HGFAC: variants seen among roughly 807,000 people sequenced by gnomAD.
HGFAC encodes the protein HGF activator, also known as hepatocyte growth factor activator serine protease.
In HGFAC, 76 loss-of-function variants were observed where a neutral mutation model predicts 70.6. That is an observed-to-expected ratio of 1.08 (90% CI 0.89 to 1.30). HGFAC has a LOEUF of 1.30. Among genes scored for constraint, HGFAC ranks in the 50% most tolerant of loss-of-function variants. HGFAC has a pLI of 0.00. For missense variants in HGFAC, 1,044 were observed against 933.7 expected, an observed-to-expected ratio of 1.12 and a Z score of -1.54; for synonymous variants, 464 against 405.3, an observed-to-expected ratio of 1.14 and a Z score of -1.74.
rs757467260 is a variant in HGFAC at position 3,444,648 on chromosome 4, C to T, written c.756C>T (p.Asn252=). ...HTACLSSPCL[N]GGTCHLIVAT... Reference sequence around the variant, plus strand: ...CTTGTCTGAGCAGCCCTTGCCTGAACGGGGGCACCTGCCACCTGATCGTGG... The same window carrying T: ...CTTGTCTGAGCAGCCCTTGCCTGAATGGGGGCACCTGCCACCTGATCGTGG... The change falls in exon 7 of 14, where the codon AAC becomes AAT. Residue 252 remains asparagine (N), a synonymous_variant. Transcript: ENST00000382774. 6.9e-6 allele frequency: 11 copies of T among 1,597,462 alleles called. No individual in the cohort carries two copies. Among genetic ancestry groups the T allele is most frequent in the Middle Eastern group, 1.7e-4 (1 of 5,754 alleles).
intron 2 of HGFAC, 28 bp downstream of exon 2, chr4:3,442,940 G>A (rs371111935): frequency 3.1e-5 from 49 of 1,557,092 alleles, no homozygotes; most frequent in South Asian, 1.4e-4. Flanking sequence ...GGGAGGAGGT[G>A]TCGTGCTTCA....
chr4:3,445,368 G>C lies in HGFAC; in HGVS notation c.1102+18G>C. On this transcript the variant is annotated intron_variant, in intron 9 of 13. Coordinates refer to ENST00000382774, the MANE Select transcript of HGFAC (RefSeq NM_001528.4). The stretch of plus-strand genomic sequence containing the variant: ...GGCCTGCGGTGCGCGGCTGGCGGGG[G>C]GTGCTGCCTTGGGCCCCACCGAGGT... 6.5e-7 allele frequency: 1 copy of C among 1,544,020 alleles called. No individual in the cohort carries two copies.
At position 3,444,021 on chromosome 4, in the gene HGFAC, C is replaced by A. The variant is rs1055986409; in HGVS notation, c.476-18C>A. 1.9e-6 allele frequency: 3 copies of A among 1,567,350 alleles called. No individual in the cohort carries two copies. Among genetic ancestry groups the A allele is most frequent in the African/African-American group, 2.7e-5 (2 of 72,920 alleles). On this transcript the variant is annotated intron_variant, in intron 4 of 13. Coordinates refer to ENST00000382774, the MANE Select transcript of HGFAC (RefSeq NM_001528.4). Reference sequence around the variant, plus strand: ...GCCTCCCAGTCCGCCCCTCACACCCCCTCCCGCATGTCCCCAGCTGCCCTG... The same window carrying A: ...GCCTCCCAGTCCGCCCCTCACACCCACTCCCGCATGTCCCCAGCTGCCCTG...
chr4:3,443,921 C>CCTTTG (rs1725398093), intron 4 of HGFAC, 118 bp from the exon 5 acceptor site: 1 of 1,138,964 alleles, frequency 8.8e-7, no homozygotes, highest in Admixed American at 2.5e-5. Context: ...AGAGAGGGCC[C>CCTTTG]CTTTGCTCTC....
At position 3,443,239 on chromosome 4, in the gene HGFAC, C is replaced by T. The variant is rs548271106; in HGVS notation, c.395+93C>T. On this transcript the variant is annotated intron_variant, in intron 3 of 13. Transcript: ENST00000382774. ...CCGGGCACACAGTAGGCGCTCACCACGCAGCAGGCGGACCCAGTGAACCCA... is the reference window on the plus strand; with the variant it reads ...CCGGGCACACAGTAGGCGCTCACCATGCAGCAGGCGGACCCAGTGAACCCA... 78 of 1,311,794 alleles carry T rather than the reference C, an allele frequency of 5.9e-5. No individual in the cohort carries two copies. In the Middle Eastern group the frequency reaches 6.1e-4, roughly 10 times the overall value. 81.3% of individuals were successfully genotyped at this position (1,311,794 alleles called of 1,614,324 possible).
Position 3,447,829 on chromosome 4 carries a change from C to T in HGFAC, c.1496-66C>T, listed in dbSNP as rs1251385407. 7.6e-6 allele frequency: 12 copies of T among 1,578,858 alleles called. No individual in the cohort carries two copies. The Admixed American group carries it at 8.6e-5, about 11-fold the overall frequency. On this transcript the variant is annotated intron_variant, in intron 11 of 13. Transcript: ENST00000382774. ...CCCACTGGCTACCCTCCCTCCACCA[C>T]GGGCCCCGACAGCCTCCCGTTCAGC...
chr4:3,444,357 C>A lies in HGFAC; in HGVS notation c.645C>A (p.Asp215Glu). The A allele has an allele frequency of 6.2e-7, 1 of 1,600,126 alleles. No individual in the cohort carries two copies. Among genetic ancestry groups the A allele is most frequent in the Non-Finnish European group, 8.5e-7 (1 of 1,174,626 alleles). The part of the protein sequence containing the change: ...ETRYEYLEGG[D>E]RWARVRQGHV... ...GCTACGAGTACCTGGAGGGGGGCGACCGCTGGGCCCGCGTGCGCCAGGGCC... is the reference window on the plus strand; with the variant it reads ...GCTACGAGTACCTGGAGGGGGGCGAACGCTGGGCCCGCGTGCGCCAGGGCC... Residue 215 changes from aspartate to glutamate, a missense_variant, in exon 6 of 14, where the codon GAC becomes GAA. Physicochemically the swap from Asp to Glu is conservative, Grantham distance 45. Transcript: ENST00000382774.
Position 3,449,324 on chromosome 4 carries a change from C to A in HGFAC, c.1873C>A (p.Leu625Ile). Residue 625 changes from leucine (L) to isoleucine (I), a missense_variant, in exon 14 of 14, where the codon CTC becomes ATC. Coordinates refer to ENST00000382774, the MANE Select transcript of HGFAC (RefSeq NM_001528.4). ...CAGCTGGGGTGACGGCTGCGGGCGG[C>A]TCCACAAGCCGGGGGTCTACACCCG... ...IISWGDGCGR[L>I]HKPGVYTRVA... 6.2e-7 allele frequency: 1 copy of A among 1,612,106 alleles called. No individual in the cohort carries two copies. The highest frequency in any genetic ancestry group is 8.5e-7 in the Non-Finnish European group (1 of 1,179,484).
In HGFAC at chr4:3,445,287, C is replaced by A; in HGVS notation, c.1039C>A (p.Pro347Thr). Residue 347 changes from proline to threonine, a missense_variant, in exon 9 of 14, where the codon CCC becomes ACC. Coordinates refer to ENST00000382774, the MANE Select transcript of HGFAC (RefSeq NM_001528.4). ...YCRNPDNDER[P>T]WCYVVKDSAL... ...CAGGAATCCGGACAATGACGAGAGG[C>A]CCTGGTGCTACGTGGTGAAGGACAG... 1 of 1,586,562 alleles carries A rather than the reference C, an allele frequency of 6.3e-7. No homozygotes were observed. Among genetic ancestry groups the A allele is most frequent in the South Asian group, 1.2e-5 (1 of 86,722 alleles).
chr4:3,446,209 G>C lies in HGFAC; in HGVS notation c.1270G>C (p.Ala424Pro), dbSNP rs755798844. 1.9e-5 allele frequency: 31 copies of C among 1,610,878 alleles called. No homozygotes were observed. Among genetic ancestry groups the C allele is most frequent in the Non-Finnish European group, 2.6e-5 (31 of 1,179,398 alleles). Residue 424 changes from alanine (A) to proline (P), a missense_variant, in exon 10 of 14, where the codon GCC (alanine) becomes CCC (proline). Physicochemically the swap from Ala to Pro is conservative, Grantham distance 27. Coordinates refer to ENST00000382774, the MANE Select transcript of HGFAC (RefSeq NM_001528.4). The stretch of plus-strand genomic sequence containing the variant: ...GCCCGGCTCGCACCCCTGGCTGGCC[G>C]CCATCTACATCGGGGACAGCTTCTG... Reference protein sequence around the residue: ...SLPGSHPWLAAIYIGDSFCAG... With the variant: ...SLPGSHPWLAPIYIGDSFCAG...
At position 3,448,214 on chromosome 4, in the gene HGFAC, G is replaced by A. The variant is rs186999542; in HGVS notation, c.1723G>A (p.Ala575Thr). Residue 575 changes from alanine (A) to threonine (T), a missense_variant, in exon 13 of 14, where the codon GCC (alanine) becomes ACC (threonine). Physicochemically the swap from Ala to Thr is moderately conservative, Grantham distance 58 (BLOSUM62 0). Coordinates refer to ENST00000382774, the MANE Select transcript of HGFAC (RefSeq NM_001528.4). Reference sequence around the variant, plus strand: ...GTGCAGCAGCCCTGAGGTCTACGGCGCCGACATCAGCCCCAACATGCTCTG... The same window carrying A: ...GTGCAGCAGCCCTGAGGTCTACGGCACCGACATCAGCCCCAACATGCTCTG... Reference protein sequence around the residue: ...HKCSSPEVYGADISPNMLCAG... With the variant: ...HKCSSPEVYGTDISPNMLCAG... The A allele has an allele frequency of 1.6e-4, 251 of 1,607,662 alleles. 3 individuals carry two copies. In the East Asian group the frequency reaches 4.6e-3, roughly 30 times the overall value.
rs751648475 is a variant in HGFAC at position 3,443,139 on chromosome 4, A to G, written c.388A>G (p.Arg130Gly). 1.9e-6 allele frequency: 3 copies of G among 1,552,114 alleles called. No individual in the cohort carries two copies. The highest frequency in any genetic ancestry group is 2.4e-5 in the South Asian group (2 of 82,926). The stretch of plus-strand genomic sequence containing the variant: ...CTGCACTTCGGAGGGCAGTGCACAC[A>G]GGAAGTGGTGGGTCCGGGCAGCCGG... ...HACTSEGSAH[R>G]KWCATTHNYD... The change falls in exon 3 of 14, where the codon AGG becomes GGG. Residue 130 changes from arginine to glycine, a missense_variant. Physicochemically the swap from Arg to Gly is moderately radical, Grantham distance 125. Coordinates refer to ENST00000382774, the MANE Select transcript of HGFAC (RefSeq NM_001528.4).
Position 3,447,968 on chromosome 4 carries a change from C to T in HGFAC, c.1569C>T (p.Pro523=), listed in dbSNP as rs777526426. 1.7e-5 allele frequency: 27 copies of T among 1,593,674 alleles called. No individual in the cohort carries two copies. The highest frequency in any genetic ancestry group is 4.0e-5 in the African/African-American group (3 of 74,454). The change falls in exon 12 of 14, where the codon CCC becomes CCT. Residue 523 remains proline (P), a synonymous_variant. Transcript: ENST00000382774. ...AGTTCGTGCAGCCCATCTGCCTGCC[C>T]GAGCCCGGCAGCACCTTCCCCGCAG... The part of the protein sequence containing the change: ...RSQFVQPICL[P]EPGSTFPAGH...
At position 3,445,369 on chromosome 4, in the gene HGFAC, G is replaced by T. The variant is rs1461470353; in HGVS notation, c.1102+19G>T. 5 of 1,538,960 alleles carry T rather than the reference G, an allele frequency of 3.2e-6. No homozygotes were observed. The highest frequency in any genetic ancestry group is 2.4e-5 in the East Asian group (1 of 41,224). On this transcript the variant is annotated intron_variant, in intron 9 of 13. Coordinates refer to ENST00000382774, the MANE Select transcript of HGFAC (RefSeq NM_001528.4). The stretch of plus-strand genomic sequence containing the variant: ...GCCTGCGGTGCGCGGCTGGCGGGGG[G>T]TGCTGCCTTGGGCCCCACCGAGGTC...
Position 3,444,269 on chromosome 4 carries a change from C to G in HGFAC, c.599-42C>G, listed in dbSNP as rs764815435. On this transcript the variant is annotated intron_variant, in intron 5 of 13. Transcript: ENST00000382774. ...GCAGGGCAGGGGCCCTGCACGGGGA[C>G]AGCAGGTGGCAGGGTGTGAGGGCTT... 2.6e-6 allele frequency: 4 copies of G among 1,568,306 alleles called. 1 individual carries two copies. In the Admixed American group the frequency reaches 7.6e-5, roughly 30 times the overall value.
intron 13 of HGFAC, 78 bp from the exon 14 acceptor site, chr4:3,449,159 C>T (rs1300385410): frequency 2.9e-6 from 4 of 1,367,898 alleles, no homozygotes; most frequent in African/African-American, 2.9e-5. Flanking sequence ...CCTCTGTCCC[C>T]AAGCTGCCAC....
At position 3,449,242 on chromosome 4, in the gene HGFAC, C is replaced by T. The variant is rs770428960; in HGVS notation, c.1791C>T (p.Asp597=). 6.2e-7 allele frequency: 1 copy of T among 1,611,786 alleles called. No individual in the cohort carries two copies. Among genetic ancestry groups the T allele is most frequent in the Non-Finnish European group, 8.5e-7 (1 of 1,179,362 alleles). The part of the protein sequence containing the change: ...FDCKSDACQG[D]SGGPLACEKN... ...TGACCAACGTCTCTGCCCAGGGGGA[C>T]TCAGGGGGGCCCCTGGCCTGCGAGA... The change falls in exon 14 of 14, where the codon GAC becomes GAT. Residue 597 remains aspartate, a synonymous_variant. Transcript: ENST00000382774.
intron 1 of HGFAC, among the ~76,000 whole-genome samples, chr4:3,442,346 C>A (rs919515509): frequency 1.3e-5 from 2 of 152,190 alleles, no homozygotes; most frequent in African/African-American, 4.8e-5. Context: ...GCTGTCATCC[C>A]TGTGCGGCCT....
At chr4:3,442,655 AG>A in intron 1 of HGFAC, 76 bp from the exon 2 acceptor site, 2 of 1,097,002 alleles carry the variant, frequency 1.8e-6, no homozygotes, top group Non-Finnish European at 2.5e-6. Context: ...AAACAGGCTC[AG>A]GGCTGTGACC....
Sources: gnomAD v4.1 joint callset for allele counts (sites outside exome capture counted in the v4.1 genomes callset) on GRCh38, gnomAD v4.1.1 for gene constraint, MANE v1.5 for transcripts, NCBI Gene and HGNC (gene_info 2026-07-23, HGNC 2026-07-21) for gene names.